Variants in KHDC1 observed in about 807,000 individuals in gnomAD.
KHDC1 encodes KH homology domain-containing protein 1.
In KHDC1, 21 loss-of-function variants were observed where a neutral mutation model predicts 24.7. The ratio of observed to expected loss-of-function variants is 0.85; its 90% CI spans 0.60 to 1.23. KHDC1 has a LOEUF of 1.23. Ranked by LOEUF, KHDC1 falls within the 50% of genes most tolerant of loss-of-function variation. The pLI, the probability that KHDC1 is intolerant of heterozygous loss-of-function variation, is 0.00. For missense variants in KHDC1, 274 were observed against 298.5 expected, an observed-to-expected ratio of 0.92 and a Z score of 0.61; for synonymous variants, 98 against 111.7, an observed-to-expected ratio of 0.88 and a Z score of 0.77.
intron 2 of KHDC1, among the ~76,000 whole-genome samples, chr6:73,263,611 T>G (rs1212829581): frequency 7.4e-4 from 104 of 141,250 alleles, no homozygotes; most frequent in East Asian, 1.3e-3. Flanking sequence ...GGTGTCGCGG[T>G]GGGGGGGGGG....
chr6:73,257,030 A>G (rs967563350), intron 2 of KHDC1, among the ~76,000 whole-genome samples: 1 of 152,118 alleles, frequency 6.6e-6, no homozygotes, highest in East Asian at 1.9e-4. Flanking sequence ...CGGTGGCTCA[A>G]ACCTGTAATC....
At chr6:73,294,018 A>C (rs1043857159) in intron 1 of KHDC1, among the ~76,000 whole-genome samples, 6 of 146,508 alleles carry the variant, frequency 4.1e-5, no homozygotes, top group Non-Finnish European at 9.2e-5. Context: ...AAAAAAAAAA[A>C]CAAAAAAAAA....
intron 1 of KHDC1, among the ~76,000 whole-genome samples, chr6:73,295,329 C>T (rs1050145586): frequency 2.0e-5 from 3 of 152,152 alleles, no homozygotes; most frequent in African/African-American, 7.2e-5. Context: ...CCTGCAGACT[C>T]GAGAGCCAAT....
chr6:73,262,899 G>A, intron 2 of KHDC1: 12 of 986,800 alleles, frequency 1.2e-5, no homozygotes, highest in Non-Finnish European at 1.4e-5. Flanking sequence ...ATGCCGCCGG[G>A]AACCCAGGCT....
exon 5 of KHDC1, chr6:73,241,469 CA>C (rs1210882581): frequency 1.6e-5 from 24 of 1,547,506 alleles, no homozygotes; most frequent in African/African-American, 4.1e-5. Context: ...TCTTTCTCAC[CA>C]AAAGTGAAGC....
At chr6:73,262,092 C>T (rs1766991886) in intron 2 of KHDC1, among the ~76,000 whole-genome samples, 1 of 151,736 alleles carries the variant, frequency 6.6e-6, no homozygotes, top group Admixed American at 6.6e-5. Flanking sequence ...AAAAAAAAAG[C>T]ATAGACTCTA....
intron 1 of KHDC1, among the ~76,000 whole-genome samples, chr6:73,297,305 T>A (rs1767775937): frequency 6.6e-6 from 1 of 152,156 alleles, no homozygotes; most frequent in African/African-American, 2.4e-5. Flanking sequence ...TGGCACTTCA[T>A]CTAAATACAA....
chr6:73,263,095 G>A, intron 2 of KHDC1: 1 of 1,023,342 alleles, frequency 9.8e-7, no homozygotes, highest in Non-Finnish European at 1.2e-6. Flanking sequence ...TGCAGGCCTG[G>A]CCGATTGTGA....
At position 73,298,423 on chromosome 6, in the gene KHDC1, ATTTTTTTTTTTTT is replaced by A. The variant is rs370446904; in HGVS notation, c.164-6396_164-6384del. On this transcript the variant is annotated intron_variant, in intron 1 of 4. Coordinates refer to ENST00000370384, the Ensembl canonical transcript of KHDC1. The stretch of plus-strand genomic sequence containing the variant: ...CCTGGAAGGACTCTATACTTTGCAA[ATTTTTTTTTTTTT>A]TTTTTTTTTTTTTTTTTGAGACAGA... 2.0e-4 allele frequency among the ~76,000 whole-genome samples: 12 copies of A among 59,976 alleles called. No homozygotes were observed. The Admixed American group carries it at 2.2e-3, about 11-fold the overall frequency. The allele number at this position is 59,976 out of a possible 152,430, so 39.3% of individuals were successfully genotyped here.
chr6:73,278,015 T>G (rs1414168892), intron 2 of KHDC1, among the ~76,000 whole-genome samples: 4 of 144,630 alleles, frequency 2.8e-5, no homozygotes, highest in African/African-American at 5.2e-5. Context: ...GGGTGTTTTT[T>G]TTTTTTTTTT....
chr6:73,256,747 C>T (rs941838050), intron 2 of KHDC1, among the ~76,000 whole-genome samples: 16 of 152,194 alleles, frequency 1.1e-4, no homozygotes, highest in African/African-American at 3.9e-4. Context: ...CCGTTATCCC[C>T]ATTTTGCTAT....
At chr6:73,292,947 C>A (rs1247126403) in intron 1 of KHDC1, 2 of 868,298 alleles carry the variant, frequency 2.3e-6, no homozygotes, top group Non-Finnish European at 1.9e-6. Context: ...ATTGACAATG[C>A]CCATCTCTTC....
chr6:73,271,118 A>G (rs1294752295), intron 2 of KHDC1, among the ~76,000 whole-genome samples: 2 of 152,202 alleles, frequency 1.3e-5, no homozygotes, highest in African/African-American at 4.8e-5. Flanking sequence ...GGTCACAATC[A>G]ATACCCTTTA....
In KHDC1 at chr6:73,259,280, C is replaced by CTTTTTTTTTTTTTT. The variant is rs59935884; in HGVS notation, c.207-16764_207-16751dup. On this transcript the variant is annotated intron_variant, in intron 2 of 4. Coordinates refer to ENST00000370384, the Ensembl canonical transcript of KHDC1. ...GCTTTCTGCTGACAAATCCAATATGCTTTTTTTTTTTTTTTTTTTTTTTTT... is the reference window on the plus strand; with the variant it reads ...GCTTTCTGCTGACAAATCCAATATGCTTTTTTTTTTTTTTTTTTTTTTTTTTTTTTTTTTTTTTT... Among the ~76,000 whole-genome samples, 98 of 73,258 alleles carry CTTTTTTTTTTTTTT rather than the reference C, an allele frequency of 1.3e-3. 18 individuals carry two copies. The highest frequency in any genetic ancestry group is 5.1e-3 in the African/African-American group (81 of 15,748). 48.1% of individuals were successfully genotyped at this position (73,258 alleles called of 152,430 possible).
chr6:73,249,094 C>A (rs1053887961), intron 2 of KHDC1, among the ~76,000 whole-genome samples: 2 of 152,046 alleles, frequency 1.3e-5, no homozygotes, highest in African/African-American at 2.4e-5. Context: ...CAATTATTAA[C>A]CCTTGAGTGA....
intron 2 of KHDC1, among the ~76,000 whole-genome samples, chr6:73,273,923 G>T (rs1253302815): frequency 6.6e-6 from 1 of 152,140 alleles, no homozygotes; most frequent in Non-Finnish European, 1.5e-5. Context: ...GTGGAGACCA[G>T]CCTGAGCAAC....
At chr6:73,249,385 G>A (rs184682128) in intron 2 of KHDC1, among the ~76,000 whole-genome samples, 65 of 152,232 alleles carry the variant, frequency 4.3e-4, no homozygotes, top group Admixed American at 7.9e-4. Context: ...AGCTGGTGCC[G>A]CTGGAAAAAT....
chr6:73,255,471 C>T (rs1486768294), intron 2 of KHDC1, among the ~76,000 whole-genome samples: 2 of 147,452 alleles, frequency 1.4e-5, no homozygotes, highest in Non-Finnish European at 1.5e-5. Context: ...CACCCGCCTT[C>T]TTGGCCTCCC....
chr6:73,242,785 T>C (rs1045478851), intron 2 of KHDC1, among the ~76,000 whole-genome samples: 1 of 152,044 alleles, frequency 6.6e-6, no homozygotes, highest in Non-Finnish European at 1.5e-5. Context: ...GAATCAAAAT[T>C]TTTTCTTCAT....
Sources: allele counts gnomAD v4.1 joint callset (sites outside exome capture counted in the v4.1 genomes callset), GRCh38; gene constraint gnomAD v4.1.1; transcripts MANE v1.5; gene names NCBI Gene and HGNC (gene_info 2026-07-23, HGNC 2026-07-21).